The following NDRG2 variants were observed in gnomAD, a reference collection of about 807,000 sequenced individuals.
The protein encoded by NDRG2 is NDRG family member 2, also known as protein NDRG2.
Under a neutral mutation model 58.2 loss-of-function variants are expected in NDRG2, and 34 were observed. The observed-to-expected ratio is 0.58, with a 90% CI of 0.44 to 0.78. The LOEUF is 0.78. NDRG2 is among the 30% of genes least tolerant of loss of function. NDRG2 has a pLI of 0.00. For synonymous variants in NDRG2, 187 were observed against 175.9 expected (o/e 1.06, Z -0.50); for missense variants, 434 against 471.2 (o/e 0.92, Z 0.73).
At chr14:21,032,466 C>T (rs896069216) in intron 1 of NDRG2, 10 of 397,138 alleles carry the variant, frequency 2.5e-5, no homozygotes, top group Non-Finnish European at 4.5e-5. Flanking sequence ...CAATTCCTCA[C>T]GTGATGGACT....
At chr14:21,063,637 A>G (rs998415274) in intron 1 of NDRG2, among the ~76,000 whole-genome samples, 3 of 152,204 alleles carry the variant, frequency 2.0e-5, no homozygotes, top group African/African-American at 4.8e-5. Context: ...TGGAATTCCT[A>G]GATTGTCTGC....
At chr14:21,043,131 A>G (rs369741577) in intron 1 of NDRG2, 1 of 1,614,106 alleles carries the variant, frequency 6.2e-7, no homozygotes, top group African/African-American at 1.3e-5. Context: ...CATGCAGCCC[A>G]GCCCTCAAGC....
At chr14:21,043,206 C>T in intron 1 of NDRG2, 1 of 1,614,198 alleles carries the variant, frequency 6.2e-7, no homozygotes, top group African/African-American at 1.3e-5. Flanking sequence ...CAACACCTTC[C>T]TGCACGAGCC....
intron 1 of NDRG2, among the ~76,000 whole-genome samples, chr14:21,046,132 C>T (rs1191916557): frequency 6.6e-6 from 1 of 152,042 alleles, no homozygotes; most frequent in Non-Finnish European, 1.5e-5. Context: ...GTAATTAAAT[C>T]ATAGATAGAA....
intron 1 of NDRG2, among the ~76,000 whole-genome samples, chr14:21,051,453 G>A (rs1054526859): frequency 2.0e-5 from 3 of 152,104 alleles, no homozygotes; most frequent in Non-Finnish European, 4.4e-5. Context: ...GAGGGCAGCC[G>A]GCCTATGAGG....
intron 11 of NDRG2, 45 bp downstream of exon 11, chr14:21,019,071 G>A: frequency 6.4e-7 from 1 of 1,552,512 alleles, no homozygotes; most frequent in East Asian, 2.3e-5. Context: ...AGCTCCTAGG[G>A]AAGATCCAGG....
At chr14:21,022,282 G>A (rs1478534401) in intron 4 of NDRG2, 100 bp from the exon 5 acceptor site, 1 of 1,593,490 alleles carries the variant, frequency 6.3e-7, no homozygotes, top group Non-Finnish European at 8.6e-7. Context: ...CAGACCAGGA[G>A]AGAACTTCTC....
At chr14:21,047,762 A>C (rs1952509) in intron 1 of NDRG2, among the ~76,000 whole-genome samples, 132,028 of 152,138 alleles carry the variant, frequency 0.87, 57,471 homozygotes, top group Admixed American at 0.9. Context: ...AAGAAAGTAA[A>C]CCAAGAACTG....
rs1883120303 is a variant in NDRG2, at chr14:21,025,013, C to G, written c.-990G>C. ...CCTTCCAGGCCCTACGGCCCCTCGC[C>G]TGCCCCTCCCCCTACCTGCTGCCGC... On this transcript the variant is annotated 5_prime_UTR_variant, in exon 1 of 16. Transcript: ENST00000556147. This position sits in a 1 kb window ranked among gnomAD's most constrained non-coding sequence, Gnocchi z 5.1. 9 of 985,916 alleles carry G rather than the reference C, an allele frequency of 9.1e-6. No homozygotes were observed. The highest frequency in any genetic ancestry group is 1.1e-5 in the Non-Finnish European group (9 of 830,448). The allele number at this position is 985,916 out of a possible 1,614,324, so 61.1% of individuals were successfully genotyped here. A position where few individuals can be genotyped will look rare whatever the true frequency, so the allele number is the denominator to read the frequency against.
upstream of NDRG2, chr14:21,030,824 C>T (rs370451232): frequency 3.2e-6 from 5 of 1,564,474 alleles, no homozygotes; most frequent in African/African-American, 1.3e-5. Flanking sequence ...GAAGGGTTCA[C>T]GTGGTGGAAC....
At chr14:21,026,580 G>A (rs191998285), upstream of NDRG2, among the ~76,000 whole-genome samples, 14 of 151,566 alleles carry the variant, frequency 9.2e-5, no homozygotes, top group Non-Finnish European at 1.6e-4. Flanking sequence ...TCCCCACTTG[G>A]CAGGGTCTAC....
chr14:21,043,100 A>C (rs1432413859), intron 1 of NDRG2: 3 of 1,614,174 alleles, frequency 1.9e-6, no homozygotes, highest in Admixed American at 1.7e-5. Context: ...TGACCTCATC[A>C]CAGTGGTTTA....
At chr14:21,025,149 G>T, upstream of NDRG2, 1 of 959,268 alleles carries the variant, frequency 1.0e-6, no homozygotes, top group African/African-American at 1.8e-5. The surrounding 1 kb of genome is among the most constrained non-coding windows in gnomAD (Gnocchi z 5.1). Flanking sequence ...TAGGCTCCCC[G>T]CAGACCCGCC....
intron 1 of NDRG2, among the ~76,000 whole-genome samples, chr14:21,035,128 C>T (rs193024316): frequency 4.0e-4 from 61 of 152,328 alleles, no homozygotes; most frequent in African/African-American, 1.4e-3. Flanking sequence ...GGGCCTCCCA[C>T]CAAAGTGCTG....
chr14:21,036,368 A>G (rs1884629876), intron 1 of NDRG2: 14 of 412,352 alleles, frequency 3.4e-5, no homozygotes, highest in South Asian at 2.3e-4. Context: ...TCCCTGGGCC[A>G]CATTGGAAGA....
intron 1 of NDRG2, among the ~76,000 whole-genome samples, chr14:21,048,098 A>T (rs113084345): frequency 0.015 from 2,347 of 152,046 alleles, 47 homozygotes; most frequent in African/African-American, 0.049. Context: ...TCCTTGGGAG[A>T]GCTTCAACTC....
At chr14:21,041,577 GCTGT>G (rs1208978340) in intron 1 of NDRG2, among the ~76,000 whole-genome samples, 20 of 152,144 alleles carry the variant, frequency 1.3e-4, no homozygotes, top group Non-Finnish European at 2.9e-4. Context: ...GCTCCACACA[GCTGT>G]AACCACCACA....
chr14:21,060,772 A>AG (rs1885914082), intron 1 of NDRG2, among the ~76,000 whole-genome samples: 1 of 152,174 alleles, frequency 6.6e-6, no homozygotes, highest in African/African-American at 2.4e-5. Context: ...AGTGTTCGTT[A>AG]GTGGAAACAT....
chr14:21,030,527 T>G, upstream of NDRG2: 1 of 1,560,866 alleles, frequency 6.4e-7, no homozygotes, highest in Non-Finnish European at 8.7e-7. Flanking sequence ...CCCTCCCCCT[T>G]CTCCTTCACC....
Sources: gnomAD v4.1 joint callset for allele counts (sites outside exome capture counted in the v4.1 genomes callset) on GRCh38, gnomAD v4.1.1 for gene constraint, Gnocchi (gnomAD v3.1) non-coding constraint, MANE v1.5 for transcripts, NCBI Gene and HGNC (gene_info 2026-07-23, HGNC 2026-07-21) for gene names.